DDR2: variants seen among roughly 807,000 people sequenced by gnomAD.
DDR2 encodes the protein discoidin domain-containing receptor 2.
DDR2 carries 27 observed loss-of-function variants against 94.9 expected under a neutral mutation model. The observed-to-expected ratio is 0.28, with a 90% CI of 0.21 to 0.39. The LOEUF (loss-of-function observed/expected upper bound fraction) is 0.39, where lower values mean the gene tolerates loss of function less well. Among genes scored for constraint, DDR2 ranks in the 10% least tolerant of loss-of-function variants. The pLI, the probability that DDR2 is intolerant of heterozygous loss-of-function variation, is 1.00. For synonymous variants in DDR2, 382 were observed against 377.2 expected (o/e 1.01, Z -0.15); for missense variants, 783 against 1,076.0 (o/e 0.73, Z 3.81).
At chr1:162,695,205 T>C (rs1660133619) in intron 2 of DDR2, among the ~76,000 whole-genome samples, 1 of 152,144 alleles carries the variant, frequency 6.6e-6, no homozygotes, top group Non-Finnish European at 1.5e-5. Flanking sequence ...GGAAAGCTGG[T>C]GAGACAAGTC....
chr1:162,700,381 T>C (rs1660376310), intron 2 of DDR2, among the ~76,000 whole-genome samples: 1 of 152,208 alleles, frequency 6.6e-6, no homozygotes, highest in Non-Finnish European at 1.5e-5. Context: ...ACACTCAGTT[T>C]TGTATGCCAC....
chr1:162,658,589 G>A (rs1658127350), intron 2 of DDR2, among the ~76,000 whole-genome samples: 1 of 150,668 alleles, frequency 6.6e-6, no homozygotes, highest in African/African-American at 2.4e-5. Context: ...AGCACTTTGG[G>A]AGGCCGAGGA....
At chr1:162,705,772 G>A (rs1660633176) in intron 2 of DDR2, among the ~76,000 whole-genome samples, 1 of 152,220 alleles carries the variant, frequency 6.6e-6, no homozygotes, top group Non-Finnish European at 1.5e-5. Context: ...CTGTCATCTG[G>A]CTAAGTTTCT....
In DDR2 at chr1:162,786,026, A is replaced by T. The variant is rs1314345866; in HGVS notation, c.*5780A>T. On this transcript the variant is annotated 3_prime_UTR_variant, in exon 18 of 18. Coordinates refer to ENST00000367921, the MANE Select transcript of DDR2 (RefSeq NM_006182.4). ...AGGTGCCTTGCAGGAAAATAATCTG[A>T]GTCCCAAGCTAGCCTGTGCTCATCC... 6.6e-6 allele frequency: 1 copy of T among 152,196 alleles called. No homozygotes were observed. The highest frequency in any genetic ancestry group is 1.5e-5 in the Non-Finnish European group (1 of 68,034). 9.4% of individuals were successfully genotyped at this position (152,196 alleles called of 1,614,324 possible). A position where few individuals can be genotyped will look rare whatever the true frequency, so the allele number is the denominator to read the frequency against.
rs2684867 is a variant in DDR2 at position 162,761,614 on chromosome 1, C to T, written c.1099+160C>T. On this transcript the variant is annotated intron_variant, in intron 9 of 17. Transcript: ENST00000367921. ...GAATCCTTTGTGTGACTAGTTTTAA[C>T]TGTGGAGGGGATGGGATGAGAATGG... 0.98 allele frequency among the ~76,000 whole-genome samples: 148,684 copies of T among 152,250 alleles called. 72,713 individuals are homozygous for T. Among genetic ancestry groups the T allele is most frequent in the East Asian group, 1 (5,174 of 5,174 alleles).
chr1:162,689,840 CTT>C (rs1558028576), intron 2 of DDR2, among the ~76,000 whole-genome samples: 10 of 50,646 alleles, frequency 2.0e-4, no homozygotes, highest in East Asian at 1.4e-3. Context: ...CCCATCTCTA[CTT>C]AAAAAAAAAA....
chr1:162,695,231 T>C (rs540744295), intron 2 of DDR2, among the ~76,000 whole-genome samples: 1 of 152,132 alleles, frequency 6.6e-6, no homozygotes, highest in Non-Finnish European at 1.5e-5. Context: ...ATAAAGCAGC[T>C]CTTTTTTCTT....
intron 3 of DDR2, among the ~76,000 whole-genome samples, chr1:162,729,213 T>C (rs1661873996): frequency 6.7e-6 from 1 of 148,970 alleles, no homozygotes; most frequent in African/African-American, 2.5e-5. Flanking sequence ...CTTCTAACAG[T>C]CCTGAACTCT....
In DDR2 at chr1:162,753,083, C is replaced by T; in HGVS notation, c.83-12C>T. ...ATGTCCTCTCTTTTCTCTTTGGTTT[C>T]TCTTGGTCTAGCTATATGCCGCTAT... On this transcript the variant is annotated splice_polypyrimidine_tract_variant and intron_variant, in intron 3 of 17. Coordinates refer to ENST00000367921, the MANE Select transcript of DDR2 (RefSeq NM_006182.4). The T allele has an allele frequency of 1.9e-6, 3 of 1,610,756 alleles. No homozygotes were observed. Among genetic ancestry groups the T allele is most frequent in the South Asian group, 1.1e-5 (1 of 90,964 alleles).
At chr1:162,778,547 T>A (rs752222571) in intron 16 of DDR2, 33 bp from the exon 17 acceptor site, 1 of 1,613,594 alleles carries the variant, frequency 6.2e-7, no homozygotes, top group African/African-American at 1.3e-5. Context: ...CACAGGTTAT[T>A]CTGATTTCCC....
At chr1:162,637,724 CCTTATT>C (rs1656899281) in intron 1 of DDR2, among the ~76,000 whole-genome samples, 2 of 152,152 alleles carry the variant, frequency 1.3e-5, no homozygotes, top group South Asian at 4.1e-4. Flanking sequence ...TTAGTGCATG[CCTTATT>C]CAGTGCTAGG....
At position 162,784,906 on chromosome 1, in the gene DDR2, A is replaced by G. The variant is rs1363194192; in HGVS notation, c.*4660A>G. 6.6e-6 allele frequency: 1 copy of G among 152,170 alleles called. No individual in the cohort carries two copies. The highest frequency in any genetic ancestry group is 2.4e-5 in the African/African-American group (1 of 41,446). 9.4% of individuals were successfully genotyped at this position (152,170 alleles called of 1,614,324 possible). A position where few individuals can be genotyped will look rare whatever the true frequency, so the allele number is the denominator to read the frequency against. On this transcript the variant is annotated 3_prime_UTR_variant, in exon 18 of 18. Coordinates refer to ENST00000367921, the MANE Select transcript of DDR2 (RefSeq NM_006182.4). The stretch of plus-strand genomic sequence containing the variant: ...TTTTCAATTTCGCCAGTTTTTCCAC[A>G]CATATTCATTTAGTTGCTGGATACT...
At chr1:162,765,105 G>T (rs1571309491) in intron 9 of DDR2, among the ~76,000 whole-genome samples, 1 of 152,074 alleles carries the variant, frequency 6.6e-6, no homozygotes, top group South Asian at 2.1e-4. Context: ...TTAACTGGGG[G>T]ACAAATAGAT....
intron 2 of DDR2, among the ~76,000 whole-genome samples, chr1:162,706,881 G>A (rs371929197): frequency 2.0e-5 from 3 of 152,184 alleles, no homozygotes; most frequent in South Asian, 2.1e-4. Context: ...GAGAATGTCC[G>A]GCCAGCAATG....
chr1:162,717,633 A>G (rs1014059368), intron 2 of DDR2, among the ~76,000 whole-genome samples: 6 of 152,132 alleles, frequency 3.9e-5, no homozygotes, highest in African/African-American at 1.2e-4. Context: ...TGACCTTGAC[A>G]GTTTTGAGGA....
intron 14 of DDR2, among the ~76,000 whole-genome samples, chr1:162,775,092 GCT>G (rs1647455944): frequency 1.3e-5 from 2 of 152,086 alleles, no homozygotes; most frequent in Admixed American, 1.3e-4. Flanking sequence ...CCTTTAAAGA[GCT>G]CTGTTTTCGA....
chr1:162,666,840 C>T (rs369150057), intron 2 of DDR2, among the ~76,000 whole-genome samples: 1 of 151,386 alleles, frequency 6.6e-6, no homozygotes, highest in South Asian at 2.1e-4. Flanking sequence ...CTTTTCTTAA[C>T]ATTTAAGTTT....
chr1:162,680,054 C>T (rs1659330061), intron 2 of DDR2, among the ~76,000 whole-genome samples: 1 of 151,920 alleles, frequency 6.6e-6, no homozygotes, highest in Admixed American at 6.6e-5. Flanking sequence ...CTGTTGTTCC[C>T]CTCCTAGTTT....
At position 162,719,141 on chromosome 1, in the gene DDR2, T is replaced by C. The variant is rs776449859; in HGVS notation, c.78T>C (p.Asn26=). The C allele has an allele frequency of 6.2e-7, 1 of 1,613,812 alleles. No homozygotes were observed. The highest frequency in any genetic ancestry group is 1.1e-5 in the South Asian group (1 of 91,078). Residue 26 remains asparagine, a synonymous_variant, in exon 3 of 18, where the codon AAT becomes AAC. Coordinates refer to ENST00000367921, the MANE Select transcript of DDR2 (RefSeq NM_006182.4). The part of the protein sequence containing the change: ...PILSSAKAQV[N]PAICRYPLGM... ...TGAGTTCTGCAAAAGCTCAGGTTAA[T>C]CCAGGTAACATGGCTATTACTCAGC...
Sources: allele counts gnomAD v4.1 joint callset (sites outside exome capture counted in the v4.1 genomes callset), GRCh38; gene constraint gnomAD v4.1.1; transcripts MANE v1.5; gene names NCBI Gene and HGNC (gene_info 2026-07-23, HGNC 2026-07-21).